The following ARG2 variants were observed in gnomAD, a reference collection of about 807,000 sequenced individuals.
The protein encoded by ARG2 is arginase 2.
Under a neutral mutation model 39.4 loss-of-function variants are expected in ARG2, and 21 were observed. The observed-to-expected ratio is 0.53, with a 90% CI of 0.38 to 0.77. The LOEUF (loss-of-function observed/expected upper bound fraction) is 0.77, where lower values mean the gene tolerates loss of function less well. Among genes scored for constraint, ARG2 ranks in the 30% least tolerant of loss-of-function variants. ARG2 has a pLI of 0.00. For synonymous variants in ARG2, 150 were observed against 156.7 expected, an observed-to-expected ratio of 0.96 and a Z score of 0.32; for missense variants, 378 against 426.2, an observed-to-expected ratio of 0.89 and a Z score of 1.00.
At chr14:67,641,251 G>A (rs1176523108) in intron 2 of ARG2, among the ~76,000 whole-genome samples, 2 of 152,150 alleles carry the variant, frequency 1.3e-5, no homozygotes, top group African/African-American at 4.8e-5. Flanking sequence ...CAAGTTTTGT[G>A]TTTAGACTTG....
chr14:67,624,046 G>T (rs1409374739), intron 2 of ARG2, among the ~76,000 whole-genome samples: 2 of 151,940 alleles, frequency 1.3e-5, no homozygotes, highest in South Asian at 2.1e-4. Flanking sequence ...TCACTATGTT[G>T]CCCAGGCTGG....
chr14:67,630,353 A>C (rs1361615099), intron 2 of ARG2, among the ~76,000 whole-genome samples: 1 of 152,156 alleles, frequency 6.6e-6, no homozygotes, highest in African/African-American at 2.4e-5. Context: ...TTAAGTTCAG[A>C]CCTAGATTCT....
intron 2 of ARG2, among the ~76,000 whole-genome samples, chr14:67,633,063 G>A (rs971395446): frequency 6.6e-6 from 1 of 151,724 alleles, no homozygotes; most frequent in African/African-American, 2.4e-5. Context: ...CTCGTGATCC[G>A]CCCGCCTCGG....
In ARG2 at chr14:67,620,886, AC is replaced by A. The variant is rs2036802568; in HGVS notation, c.112-7del. The A allele has an allele frequency of 1.9e-6, 3 of 1,613,962 alleles. No homozygotes were observed. Among genetic ancestry groups the A allele is most frequent in the Non-Finnish European group, 2.5e-6 (3 of 1,179,962 alleles). The stretch of plus-strand genomic sequence containing the variant: ...TACCTCTAATTGTGTAATTTGTGTG[AC>A]TGACAGAAAAGAAAAGGAGTGGAGC... On this transcript the variant is annotated splice_region_variant and splice_polypyrimidine_tract_variant and intron_variant, in intron 1 of 7. Coordinates refer to ENST00000261783, the MANE Select transcript of ARG2 (RefSeq NM_001172.4).
At chr14:67,644,830 T>C (rs7145975) in intron 3 of ARG2, among the ~76,000 whole-genome samples, 149,921 of 152,128 alleles carry the variant, frequency 0.99, 73,894 homozygotes, top group South Asian at 1. Flanking sequence ...AACCCCATCT[T>C]TACTAAAAAT....
At chr14:67,625,064 C>T (rs1164050567) in intron 2 of ARG2, among the ~76,000 whole-genome samples, 7 of 152,004 alleles carry the variant, frequency 4.6e-5, no homozygotes, top group Admixed American at 3.3e-4. Flanking sequence ...CTAAAATTGT[C>T]CATTCACAAG....
intron 3 of ARG2, among the ~76,000 whole-genome samples, chr14:67,644,055 C>G (rs1215522722): frequency 6.6e-6 from 1 of 152,086 alleles, no homozygotes; most frequent in Non-Finnish European, 1.5e-5. Flanking sequence ...GTTTGGGGAC[C>G]ACTGATCAAT....
chr14:67,621,286 T>C (rs569926231), intron 2 of ARG2, among the ~76,000 whole-genome samples: 1 of 152,218 alleles, frequency 6.6e-6, no homozygotes, highest in Non-Finnish European at 1.5e-5. Context: ...TCCATTTTCC[T>C]AACTCCATCT....
Position 67,620,103 on chromosome 14 carries a change from C to G in ARG2, c.111+15C>G. On this transcript the variant is annotated intron_variant, in intron 1 of 7. Transcript: ENST00000261783. ...CACAAGGGCAGGTGAGAACTGGCAC[C>G]TGGAACCGCCGGGCAGGATCCTCCG... 1 of 1,561,120 alleles carries G rather than the reference C, an allele frequency of 6.4e-7. No homozygotes were observed. The highest frequency in any genetic ancestry group is 8.7e-7 in the Non-Finnish European group (1 of 1,147,514).
intron 2 of ARG2, 44 bp from the exon 3 acceptor site, chr14:67,642,142 G>A (rs1345528800): frequency 6.3e-7 from 1 of 1,592,250 alleles, no homozygotes; most frequent in Admixed American, 1.7e-5. Flanking sequence ...AAGAGTTGGA[G>A]ATAGCACAGA....
intron 2 of ARG2, among the ~76,000 whole-genome samples, chr14:67,622,756 G>A (rs901661555): frequency 1.6e-4 from 25 of 152,170 alleles, no homozygotes; most frequent in Admixed American, 1.5e-3. Flanking sequence ...TCTGAACTCG[G>A]CCAAGCATTG....
In ARG2 at chr14:67,631,437, T is replaced by TC. The variant is rs913329585; in HGVS notation, c.184+10471_184+10472insC. Among the ~76,000 whole-genome samples the TC allele has an allele frequency of 1.2e-4, 17 of 145,442 alleles. No individual in the cohort carries two copies. The East Asian group carries it at 2.4e-3, about 20-fold the overall frequency. On this transcript the variant is annotated intron_variant, in intron 2 of 7. Coordinates refer to ENST00000261783, the MANE Select transcript of ARG2 (RefSeq NM_001172.4). ...CTAGTAAATCCTTTCTTTCTTTCTT[T>TC]TTTTTTTTTTTTTTTTGAGACAGGG...
At chr14:67,633,846 C>T (rs2036943631) in intron 2 of ARG2, among the ~76,000 whole-genome samples, 1 of 152,226 alleles carries the variant, frequency 6.6e-6, no homozygotes, top group African/African-American at 2.4e-5. Flanking sequence ...TTCCTCCTCT[C>T]TTATTCCTGG....
At chr14:67,623,106 T>C (rs6573788) in intron 2 of ARG2, among the ~76,000 whole-genome samples, 50,180 of 152,042 alleles carry the variant, frequency 0.33, 8,920 homozygotes, top group African/African-American at 0.46. Context: ...ATATCCTTAC[T>C]GTGTAGCTGA....
At chr14:67,650,546 T>A in intron 7 of ARG2, 169 bp from the exon 8 acceptor site, 1 of 620,436 alleles carries the variant, frequency 1.6e-6, no homozygotes. Context: ...TTAACTTAAA[T>A]TCATGGCCAA....
chr14:67,642,005 C>T (rs1387216933), intron 2 of ARG2, among the ~76,000 whole-genome samples, 181 bp from the exon 3 acceptor site: 1 of 152,126 alleles, frequency 6.6e-6, no homozygotes, highest in Non-Finnish European at 1.5e-5. Context: ...TTTCCAACAT[C>T]TGCAAAACTG....
In ARG2 at chr14:67,651,330, C is replaced by T. The variant is rs2037172755; in HGVS notation, c.*410C>T. On this transcript the variant is annotated 3_prime_UTR_variant, in exon 8 of 8. Coordinates refer to ENST00000261783, the MANE Select transcript of ARG2 (RefSeq NM_001172.4). ...ATGCTTATTCTATCCACATCCCTAA[C>T]ATCATGCATTCACAAGGTCAAAGTT... 1 of 1,611,398 alleles carries T rather than the reference C, an allele frequency of 6.2e-7. No homozygotes were observed. Among genetic ancestry groups the T allele is most frequent in the Non-Finnish European group, 8.5e-7 (1 of 1,178,394 alleles).
chr14:67,635,457 C>A (rs1421879264), intron 2 of ARG2, among the ~76,000 whole-genome samples: 1 of 152,220 alleles, frequency 6.6e-6, no homozygotes, highest in Admixed American at 6.5e-5. Context: ...CCATTCCCCA[C>A]CCTCCAGTTT....
intron 2 of ARG2, among the ~76,000 whole-genome samples, chr14:67,641,578 A>G (rs2037031281): frequency 6.6e-6 from 1 of 152,246 alleles, no homozygotes; most frequent in South Asian, 2.1e-4. Context: ...GGATCTTGTA[A>G]ATAATCAATA....
Sources: gnomAD v4.1 joint callset for allele counts (sites outside exome capture counted in the v4.1 genomes callset) on GRCh38, gnomAD v4.1.1 for gene constraint, MANE v1.5 for transcripts, NCBI Gene and HGNC (gene_info 2026-07-23, HGNC 2026-07-21) for gene names.